FA2H: variants seen among roughly 807,000 people sequenced by gnomAD.
FA2H encodes the protein fatty acid alpha-hydroxylase.
Under a neutral mutation model 44.9 loss-of-function variants are expected in FA2H, and 22 were observed. The observed-to-expected ratio is 0.49, with a 90% CI of 0.35 to 0.70. The LOEUF is 0.70. Among genes scored for constraint, FA2H ranks in the 30% least tolerant of loss-of-function variants. FA2H has a pLI of 0.01. For missense variants in FA2H, 501 were observed against 504.9 expected (o/e 0.99, Z 0.07); for synonymous variants, 243 against 213.2 (o/e 1.14, Z -1.22).
At chr16:74,723,113 G>C (rs895093997) in intron 4 of FA2H, among the ~76,000 whole-genome samples, 8 of 152,178 alleles carry the variant, frequency 5.3e-5, no homozygotes, top group African/African-American at 1.9e-4. Context: ...GAATATCCGA[G>C]GGTACTACGT....
At chr16:74,769,604 C>T (rs1962868465) in intron 1 of FA2H, among the ~76,000 whole-genome samples, 3 of 152,070 alleles carry the variant, frequency 2.0e-5, no homozygotes, top group South Asian at 2.1e-4. Flanking sequence ...GGGAAAAAAA[C>T]CTGGGGTGGT....
chr16:74,714,056 C>T lies in FA2H; in HGVS notation c.*134G>A, dbSNP rs1961633989. 1 of 653,840 alleles carries T rather than the reference C, an allele frequency of 1.5e-6. No individual in the cohort carries two copies. Among genetic ancestry groups the T allele is most frequent in the Non-Finnish European group, 2.8e-6 (1 of 362,086 alleles). The allele number at this position is 653,840 out of a possible 1,614,324, so 40.5% of individuals were successfully genotyped here. A position where few individuals can be genotyped will look rare whatever the true frequency, so the allele number is the denominator to read the frequency against. On this transcript the variant is annotated 3_prime_UTR_variant, in exon 7 of 7. Coordinates refer to ENST00000219368, the MANE Select transcript of FA2H (RefSeq NM_024306.5). ...TGCCTCAGGGCCCCCTCAGCACCTT[C>T]CACTAGGCTGCAGGGCCGGACACAG...
chr16:74,753,068 A>T (rs984672786), intron 1 of FA2H, among the ~76,000 whole-genome samples: 4 of 151,930 alleles, frequency 2.6e-5, no homozygotes, highest in Admixed American at 2.6e-4. Context: ...AGCTGAAGGG[A>T]CTCCTTGCCC....
At chr16:74,763,244 A>T (rs913949338) in intron 1 of FA2H, among the ~76,000 whole-genome samples, 8 of 152,048 alleles carry the variant, frequency 5.3e-5, no homozygotes, top group African/African-American at 1.9e-4. Flanking sequence ...ATTATAAGTT[A>T]TTAACGTTTG....
chr16:74,741,583 C>T (rs1407924691), intron 1 of FA2H, among the ~76,000 whole-genome samples: 1 of 151,838 alleles, frequency 6.6e-6, no homozygotes, highest in African/African-American at 2.4e-5. Flanking sequence ...ACCTCAGCCT[C>T]CCAAGTAGCT....
chr16:74,764,964 C>T (rs1045833342), intron 1 of FA2H, among the ~76,000 whole-genome samples: 3 of 152,072 alleles, frequency 2.0e-5, no homozygotes, highest in Non-Finnish European at 2.9e-5. Flanking sequence ...TGGTTAACTT[C>T]ACTTCTAACC....
intron 6 of FA2H, 92 bp from the exon 7 acceptor site, chr16:74,714,361 G>A (rs562480178): frequency 1.8e-5 from 15 of 815,078 alleles, no homozygotes; most frequent in Non-Finnish European, 2.9e-5. Context: ...GATAAGAGGT[G>A]GAGACAATGT....
chr16:74,714,153 G>A lies in FA2H; in HGVS notation c.*37C>T. On this transcript the variant is annotated 3_prime_UTR_variant, in exon 7 of 7. Coordinates refer to ENST00000219368, the MANE Select transcript of FA2H (RefSeq NM_024306.5). Reference sequence around the variant, plus strand: ...CGGGTGGGGGTCGGGAAGGGGCCAGGGCCGGGCTGAGGGCAGGACGGAGGG... The same window carrying A: ...CGGGTGGGGGTCGGGAAGGGGCCAGAGCCGGGCTGAGGGCAGGACGGAGGG... 7.1e-7 allele frequency: 1 copy of A among 1,402,592 alleles called. No homozygotes were observed. Among genetic ancestry groups the A allele is most frequent in the Non-Finnish European group, 9.9e-7 (1 of 1,012,452 alleles). The allele number at this position is 1,402,592 out of a possible 1,614,324, so 86.9% of individuals were successfully genotyped here.
chr16:74,752,022 G>C (rs1962534452), intron 1 of FA2H, among the ~76,000 whole-genome samples: 1 of 152,158 alleles, frequency 6.6e-6, no homozygotes, highest in Non-Finnish European at 1.5e-5. Context: ...AGTTGCTCAA[G>C]CCAAAACCTT....
intron 2 of FA2H, among the ~76,000 whole-genome samples, chr16:74,732,017 C>T (rs1485912012): frequency 2.0e-5 from 3 of 152,122 alleles, no homozygotes; most frequent in Non-Finnish European, 2.9e-5. Flanking sequence ...GGACTATAGG[C>T]TCACGCCACC....
chr16:74,770,289 G>C (rs1962881944), intron 1 of FA2H, among the ~76,000 whole-genome samples: 1 of 152,230 alleles, frequency 6.6e-6, no homozygotes, highest in Non-Finnish European at 1.5e-5. Context: ...CTAGGGAGAA[G>C]AACAGAAATT....
chr16:74,749,974 A>G (rs1597563620), intron 1 of FA2H, among the ~76,000 whole-genome samples: 1 of 152,270 alleles, frequency 6.6e-6, no homozygotes, highest in African/African-American at 2.4e-5. Flanking sequence ...GTCAGGGTAA[A>G]CAAGAGGGGC....
Position 74,714,051 on chromosome 16 carries a change from A to G in FA2H, c.*139T>C. The G allele has an allele frequency of 1.6e-6, 1 of 640,676 alleles. No homozygotes were observed. Among genetic ancestry groups the G allele is most frequent in the East Asian group, 2.8e-5 (1 of 36,064 alleles). The allele number at this position is 640,676 out of a possible 1,614,324, so 39.7% of individuals were successfully genotyped here. The stretch of plus-strand genomic sequence containing the variant: ...GGTCCTGCCTCAGGGCCCCCTCAGC[A>G]CCTTCCACTAGGCTGCAGGGCCGGA... On this transcript the variant is annotated 3_prime_UTR_variant, in exon 7 of 7. Transcript: ENST00000219368.
At chr16:74,737,746 G>A (rs1331829786) in intron 2 of FA2H, among the ~76,000 whole-genome samples, 2 of 151,570 alleles carry the variant, frequency 1.3e-5, no homozygotes, top group East Asian at 3.9e-4. Flanking sequence ...AGGGGCAGGT[G>A]TGCAAACCCA....
intron 1 of FA2H, among the ~76,000 whole-genome samples, chr16:74,769,525 C>T (rs1371397936): frequency 2.0e-5 from 3 of 152,050 alleles, no homozygotes; most frequent in African/African-American, 4.8e-5. Context: ...AAGTGGTACA[C>T]CAAATTGGTA....
Position 74,774,585 on chromosome 16 carries a change from G to A in FA2H, c.171C>T (p.Asp57=). The A allele has an allele frequency of 6.5e-7, 1 of 1,534,622 alleles. No individual in the cohort carries two copies. Among genetic ancestry groups the A allele is most frequent in the Non-Finnish European group, 8.7e-7 (1 of 1,150,116 alleles). The change falls in exon 1 of 7, where the codon GAC becomes GAT. Residue 57 remains aspartate (D), a synonymous_variant. Coordinates refer to ENST00000219368, the MANE Select transcript of FA2H (RefSeq NM_024306.5). The part of the protein sequence containing the change: ...EQLLRARAGQ[D]ISADLDGPPH... ...GCGGCCCGTCCAGGTCGGCGCTGAT[G>A]TCCTGGCCCGCCCTGGCCCGCAGCA...
intron 1 of FA2H, among the ~76,000 whole-genome samples, chr16:74,766,327 T>G (rs746496328): frequency 2.0e-5 from 3 of 150,662 alleles, no homozygotes; most frequent in Non-Finnish European, 4.4e-5. Flanking sequence ...AAAAAAGTTA[T>G]GAATGCTGTA....
At chr16:74,727,411 C>G (rs755862883) in intron 2 of FA2H, 25 bp from the exon 3 acceptor site, 5 of 1,613,410 alleles carry the variant, frequency 3.1e-6, no homozygotes, top group Non-Finnish European at 4.2e-6. Flanking sequence ...GCCAAGTGGA[C>G]GTTTGATATT....
At chr16:74,732,312 C>T (rs1010998896) in intron 2 of FA2H, among the ~76,000 whole-genome samples, 1 of 152,230 alleles carries the variant, frequency 6.6e-6, no homozygotes, top group Admixed American at 6.5e-5. Context: ...AGCTATAGCA[C>T]AGGGATGTGG....
Sources: gnomAD v4.1 joint callset for allele counts (sites outside exome capture counted in the v4.1 genomes callset) on GRCh38, gnomAD v4.1.1 for gene constraint, MANE v1.5 for transcripts, NCBI Gene and HGNC (gene_info 2026-07-23, HGNC 2026-07-21) for gene names.